Variants in PLAC9 observed in about 807,000 individuals in gnomAD.
PLAC9 encodes placenta associated 9.
Under a neutral mutation model 11.5 loss-of-function variants are expected in PLAC9, and 12 were observed. The observed-to-expected ratio is 1.05, with a 90% CI of 0.67 to 1.69. PLAC9 has a LOEUF of 1.69. PLAC9 is among the 40% of genes most tolerant of loss of function. The pLI, the probability that PLAC9 is intolerant of heterozygous loss-of-function variation, is 0.00. For synonymous variants in PLAC9, 62 were observed against 58.1 expected (o/e 1.07, Z -0.31); for missense variants, 132 against 130.5 (o/e 1.01, Z -0.06).
intron 1 of PLAC9, 113 bp downstream of exon 1, chr10:80,132,939 A>C: frequency 1.1e-6 from 1 of 889,826 alleles, no homozygotes; most frequent in South Asian, 2.2e-5. Flanking sequence ...AGCGAGATGG[A>C]CAGAGAGGCA....
Position 80,142,187 on chromosome 10 carries a change from G to C in PLAC9, c.162+8G>C, listed in dbSNP as rs7080405. On this transcript the variant is annotated splice_region_variant and intron_variant, in intron 2 of 3. Coordinates refer to ENST00000372263, the MANE Select transcript of PLAC9 (RefSeq NM_001012973.3). ...CTAGATGTCATGGAGGAGGTAACAG[G>C]GTGGTTTGGAAGGACATGCGAGTTC... The C allele has an allele frequency of 0.079, 126,174 of 1,598,328 alleles. 6,511 individuals carry two copies. The highest frequency in any genetic ancestry group is 0.22 in the Admixed American group (13,114 of 59,406).
chr10:80,142,277 T>G (rs1333808185), intron 2 of PLAC9, 98 bp downstream of exon 2: 2 of 981,680 alleles, frequency 2.0e-6, no homozygotes, highest in African/African-American at 3.2e-5. Context: ...TGTGAGGACA[T>G]CCGGGCCGAT....
At chr10:80,139,104 G>A (rs1300084) in intron 1 of PLAC9, among the ~76,000 whole-genome samples, 13 of 151,816 alleles carry the variant, frequency 8.6e-5, no homozygotes, top group South Asian at 4.2e-4. Context: ...GGTGCCCACC[G>A]CCACGCCCGG....
In PLAC9 at chr10:80,142,072, T is replaced by C. The variant is rs1845046366; in HGVS notation, c.65-10T>C. The C allele has an allele frequency of 6.2e-7, 1 of 1,603,472 alleles. No homozygotes were observed. Among genetic ancestry groups the C allele is most frequent in the African/African-American group, 1.3e-5 (1 of 74,730 alleles). On this transcript the variant is annotated splice_polypyrimidine_tract_variant and intron_variant, in intron 1 of 3. Transcript: ENST00000372263. The stretch of plus-strand genomic sequence containing the variant: ...AGGGTCCCACAGTGACAAGACTTGT[T>C]TTCCCACAGCTGCCGAACCCTTCAG...
At chr10:80,137,610 T>C (rs1223880659) in intron 1 of PLAC9, among the ~76,000 whole-genome samples, 2 of 152,082 alleles carry the variant, frequency 1.3e-5, no homozygotes, top group Non-Finnish European at 2.9e-5. Context: ...GCTGAGAGAA[T>C]TGAGTTAAAA....
intron 1 of PLAC9, among the ~76,000 whole-genome samples, chr10:80,138,275 G>C (rs1845001553): frequency 1.3e-5 from 2 of 152,152 alleles, no homozygotes; most frequent in South Asian, 2.1e-4. Flanking sequence ...CTGAGGCCTG[G>C]ATTATTTACT....
In PLAC9 at chr10:80,132,780, C is replaced by A; in HGVS notation, c.18C>A (p.Cys6Ter). The A allele has an allele frequency of 6.7e-7, 1 of 1,495,020 alleles. No homozygotes were observed. The highest frequency in any genetic ancestry group is 8.8e-7 in the Non-Finnish European group (1 of 1,130,104). The allele number at this position is 1,495,020 out of a possible 1,614,324, so 92.6% of individuals were successfully genotyped here. ...CCGGCACCATGCGGCCCCTGCTCTG[C>A]GCGCTGACCGGACTGGCCCTGCTCC... The part of the protein sequence containing the change: MRPLL[C>*]ALTGLALLRA... Residue 6 changes from cysteine to a stop codon, truncating the protein, a stop_gained, in exon 1 of 4, where the codon TGC becomes TGA. Coordinates refer to ENST00000372263, the MANE Select transcript of PLAC9 (RefSeq NM_001012973.3). LOFTEE classifies it high-confidence loss of function.
rs1164104766 is a variant in PLAC9, at chr10:80,137,124, C to T, written c.64+4298C>T. The stretch of plus-strand genomic sequence containing the variant: ...TCTCAGATGCACTCTGTGGAGGCCC[C>T]GATGAGCTCACGGACAGTTGCTCCA... On this transcript the variant is annotated intron_variant, in intron 1 of 3. Transcript: ENST00000372263. Among the ~76,000 whole-genome samples the T allele has an allele frequency of 4.6e-5, 7 of 152,176 alleles. No individual in the cohort carries two copies. In the East Asian group the frequency reaches 1.2e-3, roughly 25 times the overall value.
chr10:80,135,006 G>GTTTA (rs1437009111), intron 1 of PLAC9, among the ~76,000 whole-genome samples: 3 of 98,930 alleles, frequency 3.0e-5, no homozygotes, highest in South Asian at 5.3e-4. Flanking sequence ...ACCTTGGTTT[G>GTTTA]TTTGTTTGTT....
upstream of PLAC9, chr10:80,131,831 G>A (rs1158012273): frequency 1.3e-5 from 2 of 152,390 alleles, no homozygotes; most frequent in Admixed American, 6.5e-5. Flanking sequence ...AAGAGCTCCA[G>A]GTAATCCCAA....
At chr10:80,134,484 G>C (rs949041738) in intron 1 of PLAC9, among the ~76,000 whole-genome samples, 1 of 151,986 alleles carries the variant, frequency 6.6e-6, no homozygotes, top group Non-Finnish European at 1.5e-5. Flanking sequence ...GGCTGGTCTC[G>C]AACTCCTGGG....
intron 1 of PLAC9, among the ~76,000 whole-genome samples, chr10:80,135,051 G>A (rs575691806): frequency 4.0e-5 from 6 of 148,704 alleles, no homozygotes; most frequent in Non-Finnish European, 8.9e-5. Flanking sequence ...ATGGAGTCTC[G>A]CTCTGTCTCC....
intron 1 of PLAC9, among the ~76,000 whole-genome samples, chr10:80,133,965 A>G (rs2132331702): frequency 6.6e-6 from 1 of 151,584 alleles, no homozygotes; most frequent in Admixed American, 6.6e-5. Context: ...AAAAAGAAGA[A>G]GGAAAGGAGG....
chr10:80,139,349 G>A (rs1414355477), intron 1 of PLAC9, among the ~76,000 whole-genome samples: 1 of 152,020 alleles, frequency 6.6e-6, no homozygotes, highest in Non-Finnish European at 1.5e-5. Context: ...CCCTCTTCTT[G>A]GCCTCATTTC....
In PLAC9 at chr10:80,144,982, C is replaced by G. The variant is rs1381077183; in HGVS notation, c.*72C>G. ...CAGCGCCCACAGAACCAGCCCTGTC[C>G]TCTCGACTTCCTTCCTTAGCTTCAT... On this transcript the variant is annotated 3_prime_UTR_variant, in exon 4 of 4. Coordinates refer to ENST00000372263, the MANE Select transcript of PLAC9 (RefSeq NM_001012973.3). 6.6e-7 allele frequency: 1 copy of G among 1,522,832 alleles called. No individual in the cohort carries two copies. The highest frequency in any genetic ancestry group is 8.9e-7 in the Non-Finnish European group (1 of 1,119,412). 94.3% of individuals were successfully genotyped at this position (1,522,832 alleles called of 1,614,324 possible). A position where few individuals can be genotyped will look rare whatever the true frequency, so the allele number is the denominator to read the frequency against.
chr10:80,145,087 T>G lies in PLAC9; in HGVS notation c.*177T>G. The G allele has an allele frequency of 1.2e-6, 1 of 834,236 alleles. No individual in the cohort carries two copies. Among genetic ancestry groups the G allele is most frequent in the African/African-American group, 1.7e-5 (1 of 59,424 alleles). 51.7% of individuals were successfully genotyped at this position (834,236 alleles called of 1,614,324 possible). On this transcript the variant is annotated 3_prime_UTR_variant, in exon 4 of 4. Coordinates refer to ENST00000372263, the MANE Select transcript of PLAC9 (RefSeq NM_001012973.3). ...TAACTACAGCCTCCTCTCACTCCAC[T>G]TCCATGCCTGGAGGAAGCCTGCAAC... is the stretch of plus-strand genomic sequence containing the variant.
Position 80,145,308 on chromosome 10 carries a change from C to A in PLAC9, c.*398C>A. 6.4e-6 allele frequency: 2 copies of A among 314,704 alleles called. No individual in the cohort carries two copies. Among genetic ancestry groups the A allele is most frequent in the South Asian group, 4.0e-5 (1 of 24,822 alleles). The allele number at this position is 314,704 out of a possible 1,614,324, so 19.5% of individuals were successfully genotyped here. On this transcript the variant is annotated 3_prime_UTR_variant, in exon 4 of 4. Coordinates refer to ENST00000372263, the MANE Select transcript of PLAC9 (RefSeq NM_001012973.3). ...AATCCAAATCTGCATTGCAATGAGA[C>A]CCCCAGGGATTTTATGTGTCCATTA...
intron 2 of PLAC9, 137 bp from the exon 3 acceptor site, chr10:80,144,086 G>A (rs1845071642): frequency 1.6e-5 from 20 of 1,253,500 alleles, no homozygotes; most frequent in Non-Finnish European, 2.2e-5. Flanking sequence ...CCTGAGTGAG[G>A]AAAACCCAGG....
At position 80,144,974 on chromosome 10, in the gene PLAC9, G is replaced by A. The variant is rs779422794; in HGVS notation, c.*64G>A. ...CTGCCAGGCAGCGCCCACAGAACCA[G>A]CCCTGTCCTCTCGACTTCCTTCCTT... On this transcript the variant is annotated 3_prime_UTR_variant, in exon 4 of 4. Transcript: ENST00000372263. 4 of 1,548,564 alleles carry A rather than the reference G, an allele frequency of 2.6e-6. No homozygotes were observed. The South Asian group carries it at 4.7e-5, about 18-fold the overall frequency.
Sources: gnomAD v4.1 joint callset for allele counts (sites outside exome capture counted in the v4.1 genomes callset) on GRCh38, gnomAD v4.1.1 for gene constraint, MANE v1.5 for transcripts, NCBI Gene and HGNC (gene_info 2026-07-23, HGNC 2026-07-21) for gene names.